CERS6: variants seen among roughly 807,000 people sequenced by gnomAD.
CERS6 encodes ceramide synthase 6.
In CERS6, 26 loss-of-function variants were observed where a neutral mutation model predicts 56.8. The ratio of observed to expected loss-of-function variants is 0.46; its 90% CI spans 0.34 to 0.63. The LOEUF is 0.63. Among genes scored for constraint, CERS6 ranks in the 30% least tolerant of loss-of-function variants. The pLI, the probability that CERS6 is intolerant of heterozygous loss-of-function variation, is 0.01. For missense variants in CERS6, 415 were observed against 467.5 expected, an observed-to-expected ratio of 0.89 and a Z score of 1.04; for synonymous variants, 164 against 173.3, an observed-to-expected ratio of 0.95 and a Z score of 0.42.
intron 4 of CERS6, among the ~76,000 whole-genome samples, chr2:168,656,829 TG>T (rs1237214748): frequency 1.3e-5 from 2 of 152,160 alleles, no homozygotes; most frequent in African/African-American, 4.8e-5. Context: ...TAGAGCCTAG[TG>T]GCCTGTTTTG....
intron 3 of CERS6, among the ~76,000 whole-genome samples, chr2:168,627,069 C>CTTTAAGT (rs1485039317): frequency 5.9e-5 from 9 of 152,256 alleles, no homozygotes; most frequent in Admixed American, 3.3e-4. Flanking sequence ...CAAGAGTAAT[C>CTTTAAGT]TTTAAGTGTT....
At chr2:168,471,946 C>A (rs989509636) in intron 1 of CERS6, among the ~76,000 whole-genome samples, 4 of 152,104 alleles carry the variant, frequency 2.6e-5, no homozygotes, top group African/African-American at 9.7e-5. Context: ...GTTTCTGAGG[C>A]CCAGTTCGAA....
At position 168,547,639 on chromosome 2, in the gene CERS6, A is replaced by G; in HGVS notation, c.214A>G (p.Asn72Asp). 6.2e-7 allele frequency: 1 copy of G among 1,614,072 alleles called. No individual in the cohort carries two copies. The highest frequency in any genetic ancestry group is 8.5e-7 in the Non-Finnish European group (1 of 1,179,892). ...CGCCATAGCCCTCAACATTCAGGCC[A>G]ATGGACCACAAATTGCTCCGCCCAA... ...PCAIALNIQA[N>D]GPQIAPPNAI... Residue 72 changes from asparagine (N) to aspartate (D), a missense_variant, in exon 2 of 10, where the codon AAT (asparagine) becomes GAT (aspartate). Asn to Asp is a conservative substitution (Grantham distance 23). Transcript: ENST00000305747.
chr2:168,559,043 C>A (rs1279820113), intron 2 of CERS6, among the ~76,000 whole-genome samples: 2 of 152,114 alleles, frequency 1.3e-5, no homozygotes, highest in African/African-American at 4.8e-5. Context: ...TGAATTTTTT[C>A]TTTATTAATA....
intron 1 of CERS6, among the ~76,000 whole-genome samples, chr2:168,462,344 C>T (rs1693794044): frequency 6.6e-6 from 1 of 151,956 alleles, no homozygotes; most frequent in African/African-American, 2.4e-5. Context: ...AACAGGATTG[C>T]CTCGTATAGC....
intron 2 of CERS6, among the ~76,000 whole-genome samples, chr2:168,553,583 C>T (rs1419141473): frequency 1.3e-5 from 2 of 152,030 alleles, no homozygotes; most frequent in Non-Finnish European, 2.9e-5. Context: ...TATATCTAGC[C>T]AAATTGTTTT....
chr2:168,733,695 G>T (rs112508541), intron 8 of CERS6, among the ~76,000 whole-genome samples: 3,683 of 152,292 alleles, frequency 0.024, 59 homozygotes, highest in Non-Finnish European at 0.037. Context: ...TAGGTTTCTA[G>T]GGAGTTTTTC....
At chr2:168,572,896 T>G (rs1240534674) in intron 3 of CERS6, among the ~76,000 whole-genome samples, 2 of 152,166 alleles carry the variant, frequency 1.3e-5, no homozygotes, top group Non-Finnish European at 2.9e-5. Context: ...AAATGTCCAG[T>G]GAATGAGTCA....
intron 3 of CERS6, among the ~76,000 whole-genome samples, chr2:168,576,672 A>G (rs2105392829): frequency 6.6e-6 from 1 of 152,336 alleles, no homozygotes; most frequent in East Asian, 1.9e-4. Context: ...ACCACTGTTA[A>G]CATGATGCCA....
rs148516180 is a variant in CERS6 at position 168,657,990 on chromosome 2, A to G, written c.465+26948A>G. On this transcript the variant is annotated intron_variant, in intron 4 of 9. Coordinates refer to ENST00000305747, the MANE Select transcript of CERS6 (RefSeq NM_203463.3). ...CGAGGGCTCTGAGGACTGCCAGCAC[A>G]CTGTCACCTCTCAATATAATACAAT... 6.7e-3 allele frequency among the ~76,000 whole-genome samples: 1,027 copies of G among 152,298 alleles called. 3 individuals carry two copies. Among genetic ancestry groups the G allele is most frequent in the African/African-American group, 0.013 (547 of 41,576 alleles).
intron 1 of CERS6, among the ~76,000 whole-genome samples, chr2:168,478,648 T>C (rs1694122141): frequency 6.6e-6 from 1 of 152,208 alleles, no homozygotes; most frequent in South Asian, 2.1e-4. Context: ...TTCTCGTGCA[T>C]GTGAAAGTGT....
At chr2:168,587,685 G>GT (rs1321736432) in intron 3 of CERS6, among the ~76,000 whole-genome samples, 1 of 151,968 alleles carries the variant, frequency 6.6e-6, no homozygotes, top group Non-Finnish European at 1.5e-5. Context: ...AAGGCATGTG[G>GT]TATACAGGCA....
intron 1 of CERS6, among the ~76,000 whole-genome samples, chr2:168,488,555 T>A (rs1037078263): frequency 6.6e-6 from 1 of 152,116 alleles, no homozygotes; most frequent in Admixed American, 6.6e-5. Context: ...TTAATATAGT[T>A]AGTGACATGA....
intron 3 of CERS6, among the ~76,000 whole-genome samples, chr2:168,570,672 C>T (rs1695969425): frequency 6.6e-6 from 1 of 152,036 alleles, no homozygotes; most frequent in African/African-American, 2.4e-5. Context: ...GTACAAGAGG[C>T]AACTGATCTT....
At chr2:168,650,369 G>A (rs1806328) in intron 4 of CERS6, among the ~76,000 whole-genome samples, 65,783 of 152,056 alleles carry the variant, frequency 0.43, 15,103 homozygotes, top group Middle Eastern at 0.59. Flanking sequence ...CTGTCTGTCC[G>A]TTCACCAGCA....
chr2:168,641,151 C>T (rs1327087649), intron 4 of CERS6, among the ~76,000 whole-genome samples: 1 of 152,194 alleles, frequency 6.6e-6, no homozygotes, highest in South Asian at 2.1e-4. Context: ...TCACAGACGA[C>T]ATGATTGCTC....
intron 1 of CERS6, among the ~76,000 whole-genome samples, chr2:168,541,785 T>G (rs1216454689): frequency 6.6e-6 from 1 of 152,230 alleles, no homozygotes; most frequent in African/African-American, 2.4e-5. Context: ...CAGTTTACCT[T>G]GTACATTCAT....
At chr2:168,555,141 A>G (rs1056684479) in intron 2 of CERS6, among the ~76,000 whole-genome samples, 2 of 152,076 alleles carry the variant, frequency 1.3e-5, no homozygotes, top group Non-Finnish European at 2.9e-5. Flanking sequence ...GCTATTAAAT[A>G]CTTACAAAAA....
rs1452776367 is a variant in CERS6, at chr2:168,486,300, T to C, written c.170+29682T>C. On this transcript the variant is annotated intron_variant, in intron 1 of 9. Transcript: ENST00000305747. ...TTTTCTCTCTTGTCCTTTTATTCTC[T>C]TTTGCATAACAAAGGTTTTAAATTT... Among the ~76,000 whole-genome samples the C allele has an allele frequency of 3.3e-5, 5 of 152,274 alleles. No individual in the cohort carries two copies. The East Asian group carries it at 9.6e-4, about 29-fold the overall frequency.
Sources: allele counts gnomAD v4.1 joint callset (sites outside exome capture counted in the v4.1 genomes callset), GRCh38; gene constraint gnomAD v4.1.1; transcripts MANE v1.5; gene names NCBI Gene and HGNC (gene_info 2026-07-23, HGNC 2026-07-21).